The following MICU1 variants were observed in gnomAD, a reference collection of about 807,000 sequenced individuals.
MICU1 encodes mitochondrial calcium uptake 1, also known as calcium uptake protein 1, mitochondrial.
A neutral mutation model predicts 56.8 loss-of-function variants in MICU1; 45 were observed. The ratio of observed to expected loss-of-function variants is 0.79; its 90% CI spans 0.62 to 1.02. The LOEUF is 1.02. Ranked by LOEUF, MICU1 falls within the 50% of genes least tolerant of loss-of-function variation. MICU1 has a pLI of 0.00. For synonymous variants in MICU1, 186 were observed against 195.1 expected (o/e 0.95, Z 0.39); for missense variants, 504 against 587.1 (o/e 0.86, Z 1.46).
chr10:72,573,338 A>T (rs1443055243), intron 1 of MICU1, among the ~76,000 whole-genome samples: 1 of 145,042 alleles, frequency 6.9e-6, no homozygotes, highest in Non-Finnish European at 1.5e-5. Context: ...AAAAAAAACT[A>T]AGGCAACATA....
chr10:72,537,603 C>T (rs1284027843), intron 4 of MICU1, among the ~76,000 whole-genome samples: 1 of 152,176 alleles, frequency 6.6e-6, no homozygotes, highest in African/African-American at 2.4e-5. Flanking sequence ...TAAACACTAC[C>T]TTTGCCTTTT....
chr10:72,598,486 C>T (rs1371533398), intron 1 of MICU1, among the ~76,000 whole-genome samples: 6 of 152,012 alleles, frequency 3.9e-5, no homozygotes, highest in Non-Finnish European at 8.8e-5. Context: ...GAACTCCTGA[C>T]CTCAAGTGAT....
At chr10:72,490,440 G>T (rs1228807531) in intron 6 of MICU1, among the ~76,000 whole-genome samples, 1 of 152,154 alleles carries the variant, frequency 6.6e-6, no homozygotes, top group African/African-American at 2.4e-5. Flanking sequence ...TCAGCAAAAA[G>T]TTCGCACTGT....
intron 10 of MICU1, among the ~76,000 whole-genome samples, chr10:72,387,754 A>AAC (rs1862939321): frequency 1.5e-3 from 2 of 1,292 alleles, no homozygotes; most frequent in South Asian, 0.056. Context: ...TCAGAGAACA[A>AAC]AGAGCCTTAT....
intron 9 of MICU1, among the ~76,000 whole-genome samples, chr10:72,411,402 A>C (rs1179418731): frequency 6.7e-6 from 1 of 149,728 alleles, no homozygotes; most frequent in Non-Finnish European, 1.5e-5. Context: ...ATCTCGGCTC[A>C]CTGCAAGTTC....
chr10:72,428,568 C>T (rs1001183650), intron 8 of MICU1, among the ~76,000 whole-genome samples: 1 of 152,166 alleles, frequency 6.6e-6, no homozygotes, highest in African/African-American at 2.4e-5. Flanking sequence ...CCCGCCTCGG[C>T]CTCAAGTGCT....
At chr10:72,475,335 G>T in intron 7 of MICU1, 38 bp from the exon 8 acceptor site, 1 of 1,504,340 alleles carries the variant, frequency 6.6e-7, no homozygotes, top group Non-Finnish European at 9.0e-7. Flanking sequence ...AAAAATATTA[G>T]GAAGTGAGAA....
intron 8 of MICU1, among the ~76,000 whole-genome samples, chr10:72,427,339 C>G (rs1864377422): frequency 6.6e-6 from 1 of 152,138 alleles, no homozygotes; most frequent in Non-Finnish European, 1.5e-5. Flanking sequence ...AGATGGTCTA[C>G]ACGTATCTGG....
intron 4 of MICU1, among the ~76,000 whole-genome samples, chr10:72,549,111 G>A (rs1275030543): frequency 3.3e-5 from 5 of 151,676 alleles, no homozygotes; most frequent in South Asian, 2.1e-4. Flanking sequence ...AAAATATTAC[G>A]AACTTTCTGG....
chr10:72,569,231 A>ATTTTTTTT lies in MICU1; in HGVS notation c.-1-2438_-1-2437insAAAAAAAA, dbSNP rs1156509426. 4.8e-3 allele frequency among the ~76,000 whole-genome samples: 190 copies of ATTTTTTTT among 39,476 alleles called. 2 individuals are homozygous for ATTTTTTTT. Among genetic ancestry groups the ATTTTTTTT allele is most frequent in the Non-Finnish European group, 8.5e-3 (152 of 17,938 alleles). 25.9% of individuals were successfully genotyped at this position (39,476 alleles called of 152,430 possible). ...CATATATATATATATATATATATATATATATATTTTTTTTTTTTTTTGAGA... is the reference window on the plus strand; with the variant it reads ...CATATATATATATATATATATATATATTTTTTTTTATATATTTTTTTTTTTTTTTGAGA... On this transcript the variant is annotated intron_variant, in intron 1 of 11. Transcript: ENST00000361114.
chr10:72,625,857 G>T (rs1842215685), intron 1 of MICU1, among the ~76,000 whole-genome samples, 153 bp downstream of exon 1: 2 of 152,176 alleles, frequency 1.3e-5, no homozygotes, highest in Admixed American at 1.3e-4. Flanking sequence ...GGAGAGACAG[G>T]TATCCCGCCA....
intron 1 of MICU1, among the ~76,000 whole-genome samples, chr10:72,590,593 G>A (rs1036884735): frequency 2.6e-5 from 4 of 151,952 alleles, no homozygotes; most frequent in African/African-American, 7.2e-5. Flanking sequence ...GGCGGATCAC[G>A]AGGTCAGGAG....
intron 5 of MICU1, among the ~76,000 whole-genome samples, chr10:72,517,634 G>A (rs374431949): frequency 2.0e-5 from 3 of 152,070 alleles, no homozygotes; most frequent in Non-Finnish European, 4.4e-5. Flanking sequence ...GTGGGGAAGG[G>A]TGAGGGGGTG....
chr10:72,622,817 C>G (rs971230734), intron 1 of MICU1, among the ~76,000 whole-genome samples: 2 of 152,166 alleles, frequency 1.3e-5, no homozygotes, highest in Middle Eastern at 3.4e-3. Context: ...AAATATTGCC[C>G]GTGTTTTCTT....
chr10:72,438,282 T>C (rs531448960), intron 8 of MICU1, among the ~76,000 whole-genome samples: 1 of 151,766 alleles, frequency 6.6e-6, no homozygotes, highest in Non-Finnish European at 1.5e-5. Flanking sequence ...ACTGAACAAC[T>C]TGCTCCTGAA....
intron 1 of MICU1, among the ~76,000 whole-genome samples, chr10:72,575,729 AT>A (rs1840723984): frequency 6.6e-6 from 1 of 152,136 alleles, no homozygotes; most frequent in Admixed American, 6.5e-5. Context: ...GGCAAACGTA[AT>A]TGGTAACTGT....
chr10:72,573,328 A>AAAAAAAAAAC (rs1564941786), intron 1 of MICU1, among the ~76,000 whole-genome samples: 1 of 114,300 alleles, frequency 8.7e-6, no homozygotes, highest in African/African-American at 3.2e-5. Context: ...AAAAAAAAAA[A>AAAAAAAAAAC]AAAAAAACTA....
At chr10:72,402,031 C>T (rs947161919) in intron 10 of MICU1, among the ~76,000 whole-genome samples, 1 of 152,116 alleles carries the variant, frequency 6.6e-6, no homozygotes, top group Admixed American at 6.6e-5. Flanking sequence ...TCTATATCTT[C>T]CCCAGCCCCT....
intron 1 of MICU1, among the ~76,000 whole-genome samples, chr10:72,599,760 T>C (rs1345750229): frequency 6.6e-6 from 1 of 152,170 alleles, no homozygotes; most frequent in African/African-American, 2.4e-5. Context: ...ACTTCTATTA[T>C]GTACCACAAT....
Sources: gnomAD v4.1 joint callset for allele counts (sites outside exome capture counted in the v4.1 genomes callset) on GRCh38, gnomAD v4.1.1 for gene constraint, MANE v1.5 for transcripts, NCBI Gene and HGNC (gene_info 2026-07-23, HGNC 2026-07-21) for gene names.